Variants in RASEF observed in about 807,000 individuals in gnomAD.
The protein encoded by RASEF is RAS and EF-hand domain containing.
A neutral mutation model predicts 90.1 loss-of-function variants in RASEF; 68 were observed. The ratio of observed to expected loss-of-function variants is 0.75; its 90% CI spans 0.62 to 0.92. RASEF has a LOEUF of 0.92. Ranked by LOEUF, RASEF falls within the 40% of genes least tolerant of loss-of-function variation. The probability of loss-of-function intolerance (pLI) is 0.00; values close to 1 mark genes in which losing one functional copy is unlikely to be tolerated. For synonymous variants in RASEF, 331 were observed against 345.2 expected (o/e 0.96, Z 0.46); for missense variants, 949 against 937.2 (o/e 1.01, Z -0.16).
chr9:83,049,343 A>G, intron 1 of RASEF: 1 of 985,260 alleles, frequency 1.0e-6, no homozygotes. Flanking sequence ...TCCAAGCTAC[A>G]TCTCCACAGT....
chr9:83,073,989 A>G, the RASEF span, among the ~76,000 whole-genome samples: 2 of 152,228 alleles, frequency 1.3e-5, no homozygotes, highest in African/African-American at 4.8e-5. Context: ...GAACTGAAAA[A>G]TAATGTATAC....
the RASEF span, among the ~76,000 whole-genome samples, chr9:83,103,757 G>C: frequency 1.3e-5 from 2 of 152,208 alleles, no homozygotes; most frequent in South Asian, 4.2e-4. Context: ...CTCTTCCTTA[G>C]ACCCCTGGAT....
intron 1 of RASEF, among the ~76,000 whole-genome samples, chr9:83,028,344 C>T (rs1829583572): frequency 6.6e-6 from 1 of 152,178 alleles, no homozygotes; most frequent in Non-Finnish European, 1.5e-5. Flanking sequence ...TTACTCTTCT[C>T]CAGGTGCTCG....
At chr9:83,025,980 G>A in intron 1 of RASEF, 59 bp from the exon 2 acceptor site, 2 of 1,266,552 alleles carry the variant, frequency 1.6e-6, no homozygotes, top group Non-Finnish European at 1.1e-6. Flanking sequence ...CAACTCTGCA[G>A]GGGGCTTTTA....
chr9:82,997,618 T>G (rs7854101), intron 13 of RASEF, among the ~76,000 whole-genome samples: 80,995 of 152,018 alleles, frequency 0.53, 21,859 homozygotes, highest in East Asian at 0.78. Flanking sequence ...GAGATTCACC[T>G]TGGGAAGAGA....
At chr9:83,016,862 C>T (rs1349830926) in intron 3 of RASEF, among the ~76,000 whole-genome samples, 6 of 152,142 alleles carry the variant, frequency 3.9e-5, no homozygotes, top group Admixed American at 3.9e-4. Context: ...GGGCAAGTTG[C>T]TAAACTTATC....
intron 1 of RASEF, 142 bp from the exon 2 acceptor site, chr9:83,026,063 G>T: frequency 1.6e-6 from 1 of 639,360 alleles, no homozygotes; most frequent in Non-Finnish European, 2.5e-6. Context: ...AGGAAGGGAA[G>T]ACAGCAGTCA....
At chr9:83,177,344 C>T in the RASEF span, among the ~76,000 whole-genome samples, 152,252 of 152,288 alleles carry the variant, frequency 1, 76,108 homozygotes, top group Middle Eastern at 1. Context: ...GTCACTTACC[C>T]GAAGAATTCC....
the RASEF span, among the ~76,000 whole-genome samples, chr9:83,073,917 G>GA: frequency 6.6e-6 from 1 of 152,146 alleles, no homozygotes; most frequent in Non-Finnish European, 1.5e-5. Context: ...GTTTGGCATA[G>GA]AAAAATGCAT....
At chr9:83,112,554 G>A in the RASEF span, among the ~76,000 whole-genome samples, 4 of 152,264 alleles carry the variant, frequency 2.6e-5, no homozygotes, top group East Asian at 7.8e-4. Context: ...GGGCATGGTG[G>A]CTCATGCCTG....
chr9:83,111,245 A>G, the RASEF span, among the ~76,000 whole-genome samples: 1 of 152,216 alleles, frequency 6.6e-6, no homozygotes, highest in Non-Finnish European at 1.5e-5. Flanking sequence ...ATGAAACAAA[A>G]ATAAATCTGA....
At chr9:83,192,365 C>T in the RASEF span, among the ~76,000 whole-genome samples, 4 of 152,278 alleles carry the variant, frequency 2.6e-5, no homozygotes, top group South Asian at 8.3e-4. Context: ...CCATGGAATA[C>T]TATGTAGCCG....
chr9:83,016,347 A>T (rs1829342212), intron 3 of RASEF, among the ~76,000 whole-genome samples: 1 of 151,170 alleles, frequency 6.6e-6, no homozygotes, highest in Admixed American at 6.6e-5. Context: ...ATCACTGCAA[A>T]TTTCTATGCA....
the RASEF span, among the ~76,000 whole-genome samples, chr9:83,092,400 T>A: frequency 6.6e-6 from 1 of 152,100 alleles, no homozygotes; most frequent in Non-Finnish European, 1.5e-5. Context: ...TTCGGATATG[T>A]TCAGAGTTTC....
At chr9:83,101,611 G>C in the RASEF span, among the ~76,000 whole-genome samples, 1 of 152,192 alleles carries the variant, frequency 6.6e-6, no homozygotes, top group East Asian at 1.9e-4. Context: ...TCAATGAATG[G>C]ATAAAATTCT....
Position 83,063,136 on chromosome 9 carries a change from T to G in RASEF, c.-269A>C, listed in dbSNP as rs1830248521. The G allele has an allele frequency of 2.3e-6, 1 of 429,090 alleles. No individual in the cohort carries two copies. Among genetic ancestry groups the G allele is most frequent in the East Asian group, 3.9e-5 (1 of 25,966 alleles). The allele number at this position is 429,090 out of a possible 1,614,324, so 26.6% of individuals were successfully genotyped here. ...CCAGGCACCGCCAAGGAGCGCCTCC[T>G]GCGACTGAGCGCCCAAGCGCCGAGG... On this transcript the variant is annotated 5_prime_UTR_variant, in exon 1 of 17. Transcript: ENST00000376447.
At chr9:83,047,660 TACA>T (rs1014277347) in intron 1 of RASEF, among the ~76,000 whole-genome samples, 1 of 152,194 alleles carries the variant, frequency 6.6e-6, no homozygotes, top group African/African-American at 2.4e-5. Context: ...GAAAATATTA[TACA>T]ACAACATCTG....
At chr9:83,107,765 G>A in the RASEF span, among the ~76,000 whole-genome samples, 1 of 152,074 alleles carries the variant, frequency 6.6e-6, no homozygotes, top group Non-Finnish European at 1.5e-5. Context: ...GTAGTGGGAG[G>A]GTGGAGAAAG....
intron 1 of RASEF, among the ~76,000 whole-genome samples, chr9:83,043,052 A>G (rs1198989125): frequency 6.6e-6 from 1 of 152,188 alleles, no homozygotes; most frequent in Non-Finnish European, 1.5e-5. Context: ...CTGAGTTAGC[A>G]CGGAAAGCTT....
Sources: allele counts gnomAD v4.1 joint callset (sites outside exome capture counted in the v4.1 genomes callset), GRCh38; gene constraint gnomAD v4.1.1; transcripts MANE v1.5; gene names NCBI Gene and HGNC (gene_info 2026-07-23, HGNC 2026-07-21).